The following DAB1 variants were observed in gnomAD, a reference collection of about 807,000 sequenced individuals.
DAB1 encodes the protein disabled homolog 1.
A neutral mutation model predicts 64.6 loss-of-function variants in DAB1; 15 were observed. That is an observed-to-expected ratio of 0.23 (90% CI 0.16 to 0.36). The LOEUF (loss-of-function observed/expected upper bound fraction) is 0.36, where lower values mean the gene tolerates loss of function less well. Among genes scored for constraint, DAB1 ranks in the 10% least tolerant of loss-of-function variants. The pLI is 1.00. For synonymous variants in DAB1, 235 were observed against 251.9 expected (o/e 0.93, Z 0.64); for missense variants, 596 against 706.7 (o/e 0.84, Z 1.78).
intron 1 of DAB1, chr1:57,307,279 A>G (rs912735478): frequency 5.9e-5 from 9 of 152,182 alleles, no homozygotes; most frequent in Admixed American, 4.6e-4. Flanking sequence ...ACTGGACTCC[A>G]TGCCTTTTGA....
chr1:58,285,540 C>A (rs2100444311), intron 4 of DAB1, among the ~76,000 whole-genome samples: 1 of 152,020 alleles, frequency 6.6e-6, no homozygotes, highest in Non-Finnish European at 1.5e-5. Context: ...AAGCAGAGAG[C>A]CAAATCATGA....
At chr1:58,199,084 G>C (rs571571772) in intron 4 of DAB1, among the ~76,000 whole-genome samples, 1 of 152,284 alleles carries the variant, frequency 6.6e-6, no homozygotes, top group South Asian at 2.1e-4. Flanking sequence ...ACCAGCCTGG[G>C]TGGCAGTCCA....
chr1:57,490,765 A>G (rs1344020312), intron 7 of DAB1, among the ~76,000 whole-genome samples: 1 of 152,256 alleles, frequency 6.6e-6, no homozygotes, highest in Non-Finnish European at 1.5e-5. Context: ...AAACAAGGCC[A>G]GGGCTTTAAA....
rs555967896 is a variant in DAB1 at position 57,975,440 on chromosome 1, C to G, written n.388-91278G>C. On this transcript the variant is annotated intron_variant and non_coding_transcript_variant, in intron 5 of 20. Coordinates refer to the DAB1 transcript ENST00000485760. ...CTGTTAGACTGACAAATTCATATTC[C>G]AATTGAAGCAGGCAAAACATGACTT... is the stretch of plus-strand genomic sequence containing the variant. Among the ~76,000 whole-genome samples, 163 of 152,192 alleles carry G rather than the reference C, an allele frequency of 1.1e-3. 3 individuals carry two copies. In the South Asian group the frequency reaches 0.021, roughly 20 times the overall value.
chr1:57,920,549 TTCAAGCAGTCC>T (rs796220380), intron 5 of DAB1, among the ~76,000 whole-genome samples: 46 of 152,040 alleles, frequency 3.0e-4, no homozygotes, highest in African/African-American at 1.0e-3. Context: ...GACTCCTGGG[TTCAAGCAGTCC>T]TCAAGCAGTC....
intron 4 of DAB1, among the ~76,000 whole-genome samples, chr1:57,121,471 T>C (rs1656657482): frequency 6.6e-6 from 1 of 151,750 alleles, no homozygotes; most frequent in South Asian, 2.1e-4. Context: ...TGGGGCAGCC[T>C]TGCAAAAAAG....
intron 1 of DAB1, among the ~76,000 whole-genome samples, chr1:57,306,513 C>CTTTTTTTT (rs1166241090): frequency 8.7e-6 from 1 of 114,344 alleles, no homozygotes; most frequent in Non-Finnish European, 1.8e-5. Context: ...TTAGAACAGG[C>CTTTTTTTT]TTTTTTTTTT....
chr1:57,730,986 T>C (rs184391358), intron 6 of DAB1, among the ~76,000 whole-genome samples: 8 of 152,234 alleles, frequency 5.3e-5, no homozygotes, highest in Non-Finnish European at 1.0e-4. Flanking sequence ...ACAAAAGAAT[T>C]AAAAACAGGC....
At chr1:57,874,890 C>T (rs181438523) in intron 1 of DAB1, 1 of 152,312 alleles carries the variant, frequency 6.6e-6, no homozygotes, top group East Asian at 1.9e-4. Flanking sequence ...GTGGTCCCAA[C>T]ATTCAGACAA....
intron 4 of DAB1, among the ~76,000 whole-genome samples, chr1:58,267,891 C>T (rs902803523): frequency 6.6e-6 from 1 of 152,184 alleles, no homozygotes; most frequent in Non-Finnish European, 1.5e-5. Context: ...GTTTATATCC[C>T]CTCAAAACTC....
chr1:57,821,165 T>C (rs571849940), downstream of DAB1, among the ~76,000 whole-genome samples: 7 of 152,276 alleles, frequency 4.6e-5, no homozygotes, highest in South Asian at 4.2e-4. Context: ...ACTCAGGTTC[T>C]TTTTCCACAG....
chr1:58,213,512 C>T (rs1011556617), intron 4 of DAB1, among the ~76,000 whole-genome samples: 11 of 151,948 alleles, frequency 7.2e-5, no homozygotes, highest in African/African-American at 2.4e-4. Context: ...GAGCGAAGGC[C>T]GGGAAGAGCC....
intron 9 of DAB1, among the ~76,000 whole-genome samples, chr1:57,055,893 A>G (rs1649707719): frequency 6.6e-6 from 1 of 152,292 alleles, no homozygotes; most frequent in Non-Finnish European, 1.5e-5. Flanking sequence ...GCCCTCTAGG[A>G]TCTTACAAAG....
chr1:57,410,914 C>A (rs1388794905), intron 1 of DAB1, among the ~76,000 whole-genome samples: 1 of 152,184 alleles, frequency 6.6e-6, no homozygotes, highest in African/African-American at 2.4e-5. Flanking sequence ...AAAGGAGTTA[C>A]AGCATTTGCT....
intron 7 of DAB1, among the ~76,000 whole-genome samples, chr1:57,508,749 G>A (rs941468687): frequency 3.9e-5 from 6 of 152,182 alleles, no homozygotes; most frequent in Non-Finnish European, 8.8e-5. Context: ...TGTATGTGAA[G>A]CTTATGTCCT....
intron 2 of DAB1, among the ~76,000 whole-genome samples, chr1:57,285,569 G>T (rs1672248046): frequency 6.6e-6 from 1 of 151,962 alleles, no homozygotes; most frequent in Admixed American, 6.6e-5. Context: ...ACCACACCCA[G>T]CCCCCTCACC....
At chr1:57,897,509 C>A (rs1429932469) in intron 5 of DAB1, among the ~76,000 whole-genome samples, 1 of 152,128 alleles carries the variant, frequency 6.6e-6, no homozygotes, top group Non-Finnish European at 1.5e-5. Context: ...TTCTCAATTC[C>A]TTTGGTTGGA....
At chr1:58,178,849 G>A (rs1394395410) in intron 4 of DAB1, among the ~76,000 whole-genome samples, 4 of 152,122 alleles carry the variant, frequency 2.6e-5, no homozygotes, top group Non-Finnish European at 5.9e-5. Flanking sequence ...CTCCAGTACA[G>A]TGTTAAACAG....
chr1:57,763,005 A>G, intron 6 of DAB1, among the ~76,000 whole-genome samples: 1 of 152,232 alleles, frequency 6.6e-6, no homozygotes, highest in Non-Finnish European at 1.5e-5. Context: ...ATGGTAGCAG[A>G]AGGGATGAAA....
Sources: gnomAD v4.1 joint callset for allele counts (sites outside exome capture counted in the v4.1 genomes callset) on GRCh38, gnomAD v4.1.1 for gene constraint, MANE v1.5 for transcripts, NCBI Gene and HGNC (gene_info 2026-07-23, HGNC 2026-07-21) for gene names.